The following FLI1 variants were observed in gnomAD, a reference collection of about 807,000 sequenced individuals.
FLI1 encodes the protein Friend leukemia integration 1 transcription factor.
FLI1 carries 13 observed loss-of-function variants against 53.1 expected under a neutral mutation model. The observed-to-expected ratio is 0.24, with a 90% CI of 0.16 to 0.39. FLI1 has a LOEUF of 0.39. Ranked by LOEUF, FLI1 falls within the 10% of genes least tolerant of loss-of-function variation. The pLI is 1.00. For synonymous variants in FLI1, 244 were observed against 236.7 expected, an observed-to-expected ratio of 1.03 and a Z score of -0.28; for missense variants, 424 against 600.5, an observed-to-expected ratio of 0.71 and a Z score of 3.07.
chr11:128,688,065 G>A (rs529242919), intron 1 of FLI1, among the ~76,000 whole-genome samples: 7 of 152,278 alleles, frequency 4.6e-5, no homozygotes, highest in Admixed American at 3.9e-4. Context: ...CGGAGTACCC[G>A]AGCCCGGCAA....
intron 1 of FLI1, among the ~76,000 whole-genome samples, chr11:128,752,546 GT>G (rs1940692602): frequency 6.6e-6 from 1 of 152,176 alleles, no homozygotes; most frequent in Non-Finnish European, 1.5e-5. Context: ...AGAGCTTATG[GT>G]CTAATTGAGA....
intron 4 of FLI1, among the ~76,000 whole-genome samples, chr11:128,777,906 C>T (rs908605282): frequency 7.9e-5 from 12 of 152,192 alleles, no homozygotes; most frequent in Non-Finnish European, 1.0e-4. Context: ...CAGCAGAAAC[C>T]GTGATTGTTG....
chr11:128,776,066 G>T (rs1941718379), intron 4 of FLI1, among the ~76,000 whole-genome samples: 1 of 152,210 alleles, frequency 6.6e-6, no homozygotes, highest in African/African-American at 2.4e-5. Flanking sequence ...TTTCACAAAA[G>T]GTGCTTGACT....
rs192052569 is a variant in FLI1, at chr11:128,744,806, T to C, written c.19-13309T>C. On this transcript the variant is annotated intron_variant, in intron 1 of 8. Transcript: ENST00000527786. ...AAATTATCGTGGGGAATTCTCAATC[T>C]AGTAGGAGAGATAGAACATAAACTA... is the stretch of plus-strand genomic sequence containing the variant. Among the ~76,000 whole-genome samples the C allele has an allele frequency of 1.1e-4, 16 of 152,268 alleles. No homozygotes were observed. The East Asian group carries it at 2.7e-3, about 26-fold the overall frequency.
intron 2 of FLI1, among the ~76,000 whole-genome samples, chr11:128,758,571 A>G (rs1940989004): frequency 6.6e-6 from 1 of 152,214 alleles, no homozygotes; most frequent in African/African-American, 2.4e-5. Flanking sequence ...GGTAGGAGTC[A>G]GGCCCCAAGC....
chr11:128,776,565 C>T (rs1457837877), intron 4 of FLI1, among the ~76,000 whole-genome samples: 3 of 152,122 alleles, frequency 2.0e-5, no homozygotes, highest in Non-Finnish European at 4.4e-5. Context: ...GCAGGAGAGT[C>T]GCTTGAATGC....
At chr11:128,797,354 A>T (rs1017549686) in intron 5 of FLI1, among the ~76,000 whole-genome samples, 1 of 152,272 alleles carries the variant, frequency 6.6e-6, no homozygotes, top group Non-Finnish European at 1.5e-5. Context: ...TAAAAAACTA[A>T]TTAAAAGGAA....
intron 1 of FLI1, among the ~76,000 whole-genome samples, chr11:128,745,673 C>T (rs558751391): frequency 6.6e-6 from 1 of 152,208 alleles, no homozygotes; most frequent in African/African-American, 2.4e-5. Flanking sequence ...AATGGATGCA[C>T]GCCTCATCTG....
chr11:128,800,940 G>C (rs577945314), intron 5 of FLI1, among the ~76,000 whole-genome samples: 1 of 152,322 alleles, frequency 6.6e-6, no homozygotes, highest in South Asian at 2.1e-4. Flanking sequence ...TTGGTACTCT[G>C]TAAAGCCAAG....
At chr11:128,725,710 G>A (rs917915651) in intron 1 of FLI1, among the ~76,000 whole-genome samples, 2 of 151,614 alleles carry the variant, frequency 1.3e-5, no homozygotes, top group African/African-American at 4.9e-5. Context: ...GTTGCCTCAG[G>A]GCTGGTGGTT....
chr11:128,808,648 A>C (rs572867220), intron 7 of FLI1, among the ~76,000 whole-genome samples: 1 of 152,312 alleles, frequency 6.6e-6, no homozygotes, highest in African/African-American at 2.4e-5. Flanking sequence ...AAATTGTCCA[A>C]CAAGTTATTT....
chr11:128,798,836 C>T (rs781686483), intron 5 of FLI1, among the ~76,000 whole-genome samples: 1 of 152,056 alleles, frequency 6.6e-6, no homozygotes, highest in Non-Finnish European at 1.5e-5. Context: ...GCCAGGTGGC[C>T]AGTGACTCTG....
chr11:128,711,928 A>G (rs912039197), intron 1 of FLI1, among the ~76,000 whole-genome samples: 1 of 152,190 alleles, frequency 6.6e-6, no homozygotes, highest in South Asian at 2.1e-4. Flanking sequence ...TTTTTTTAAA[A>G]AAATTTTATT....
At chr11:128,694,966 C>T (rs1424144035) in intron 1 of FLI1, among the ~76,000 whole-genome samples, 1 of 152,136 alleles carries the variant, frequency 6.6e-6, no homozygotes, top group Non-Finnish European at 1.5e-5. Context: ...GGCGGGGAAC[C>T]TTCCCCAGCC....
chr11:128,702,849 G>A (rs1452540886), intron 1 of FLI1, among the ~76,000 whole-genome samples: 7 of 144,874 alleles, frequency 4.8e-5, no homozygotes, highest in African/African-American at 1.6e-4. Flanking sequence ...GCAACAGGGC[G>A]AGATTCTGTC....
intron 1 of FLI1, among the ~76,000 whole-genome samples, chr11:128,714,541 G>A (rs1446024669): frequency 6.6e-6 from 1 of 152,144 alleles, no homozygotes; most frequent in Non-Finnish European, 1.5e-5. Context: ...TGATAACTGG[G>A]ATTGGCTTTT....
At chr11:128,767,591 A>G (rs1941393623) in intron 2 of FLI1, among the ~76,000 whole-genome samples, 1 of 151,272 alleles carries the variant, frequency 6.6e-6, no homozygotes. Context: ...TAACTCACTG[A>G]GAAAGCATTT....
intron 1 of FLI1, among the ~76,000 whole-genome samples, chr11:128,757,315 G>A (rs1031890730): frequency 6.6e-6 from 1 of 151,948 alleles, no homozygotes; most frequent in African/African-American, 2.4e-5. Flanking sequence ...AATATGAGTG[G>A]GAGGACCCAA....
chr11:128,732,169 AG>A (rs1284472361), intron 1 of FLI1, among the ~76,000 whole-genome samples: 1 of 152,192 alleles, frequency 6.6e-6, no homozygotes, highest in Non-Finnish European at 1.5e-5. Context: ...CTATAGCAGA[AG>A]AGGCCAGAAA....
Sources: gnomAD v4.1 joint callset for allele counts (sites outside exome capture counted in the v4.1 genomes callset) on GRCh38, gnomAD v4.1.1 for gene constraint, MANE v1.5 for transcripts, NCBI Gene and HGNC (gene_info 2026-07-23, HGNC 2026-07-21) for gene names.